IFFO2: variants seen among roughly 807,000 people sequenced by gnomAD.
The protein encoded by IFFO2 is intermediate filament family orphan 2.
A neutral mutation model predicts 53.5 loss-of-function variants in IFFO2; 19 were observed. The observed-to-expected ratio is 0.36, with a 90% CI of 0.25 to 0.52. IFFO2 has a LOEUF of 0.52. Among genes scored for constraint, IFFO2 ranks in the 20% least tolerant of loss-of-function variants. The pLI is 0.94. For missense variants in IFFO2, 570 were observed against 727.4 expected, an observed-to-expected ratio of 0.78 and a Z score of 2.49; for synonymous variants, 303 against 313.6, an observed-to-expected ratio of 0.97 and a Z score of 0.36.
At chr1:18,915,030 G>C (rs954870599) in intron 5 of IFFO2, among the ~76,000 whole-genome samples, 1 of 152,124 alleles carries the variant, frequency 6.6e-6, no homozygotes, top group South Asian at 2.1e-4. Flanking sequence ...TCCCCACCCA[G>C]TTCCAACCCT....
At chr1:18,911,550 T>TATTG (rs1325811633) in intron 6 of IFFO2, 74 bp from the exon 7 acceptor site, 1 of 707,572 alleles carries the variant, frequency 1.4e-6, no homozygotes, top group Admixed American at 4.5e-5. Context: ...TTTATTTATT[T>TATTG]ATTCTTGAGA....
chr1:18,948,436 G>A (rs1451346510), intron 1 of IFFO2, among the ~76,000 whole-genome samples: 1 of 152,216 alleles, frequency 6.6e-6, no homozygotes, highest in African/African-American at 2.4e-5. Flanking sequence ...CACATCGCAG[G>A]CAAACCCAGA....
Position 18,919,640 on chromosome 1 carries a change from G to T in IFFO2, c.822+38C>A. The T allele has an allele frequency of 7.4e-7, 1 of 1,350,676 alleles. No individual in the cohort carries two copies. The highest frequency in any genetic ancestry group is 1.0e-6 in the Non-Finnish European group (1 of 963,374). The allele number at this position is 1,350,676 out of a possible 1,614,324, so 83.7% of individuals were successfully genotyped here. A position where few individuals can be genotyped will look rare whatever the true frequency, so the allele number is the denominator to read the frequency against. ...AAGCATTTTGCATGATGGGTGTGGGGGAGGTCATGACACCCAGGGGCGGCG... is the reference window on the plus strand; with the variant it reads ...AAGCATTTTGCATGATGGGTGTGGGTGAGGTCATGACACCCAGGGGCGGCG... On this transcript the variant is annotated intron_variant, in intron 3 of 8. Transcript: ENST00000455833. This position sits in a 1 kb window ranked among gnomAD's most constrained non-coding sequence, Gnocchi z 4.9.
chr1:18,914,022 A>G (rs567921020), intron 5 of IFFO2, among the ~76,000 whole-genome samples: 125 of 152,124 alleles, frequency 8.2e-4, no homozygotes, highest in South Asian at 3.1e-3. Flanking sequence ...TAGTAGAGAC[A>G]GCGTTTCACC....
rs1227136778 is a variant in IFFO2 at position 18,905,703 on chromosome 1, G to A, written c.*2858C>T. The A allele has an allele frequency of 2.8e-5, 4 of 144,492 alleles. No individual in the cohort carries two copies. Among genetic ancestry groups the A allele is most frequent in the African/African-American group, 1.2e-4 (4 of 34,756 alleles). 9.0% of individuals were successfully genotyped at this position (144,492 alleles called of 1,614,324 possible). On this transcript the variant is annotated 3_prime_UTR_variant, in exon 9 of 9. Transcript: ENST00000455833. ...GAGGAGTGCGAGTGTGTGTGTGTGT[G>A]TGTGTGTGTGTGTGTGTATTTCACA...
chr1:18,954,718 G>C (rs918389118), intron 1 of IFFO2, among the ~76,000 whole-genome samples: 1 of 152,184 alleles, frequency 6.6e-6, no homozygotes, highest in Non-Finnish European at 1.5e-5. Flanking sequence ...CAGTATTGTC[G>C]GCCAGACTGC....
intron 1 of IFFO2, among the ~76,000 whole-genome samples, chr1:18,951,839 C>A (rs182583374): frequency 1.7e-3 from 252 of 152,264 alleles, no homozygotes; most frequent in Non-Finnish European, 2.6e-3. Context: ...GAAGGGGAAG[C>A]CCAGAACAGA....
intron 1 of IFFO2, among the ~76,000 whole-genome samples, chr1:18,930,538 A>G (rs6426803): frequency 0.84 from 128,432 of 152,220 alleles, 54,347 homozygotes; most frequent in African/African-American, 0.87. Context: ...CCCTGCTTTC[A>G]CCGTCCACAC....
intron 1 of IFFO2, among the ~76,000 whole-genome samples, chr1:18,932,410 A>T (rs1461866781): frequency 4.6e-5 from 7 of 152,164 alleles, no homozygotes; most frequent in Non-Finnish European, 2.9e-5. Context: ...TCCAGCCCCC[A>T]GGCACTGACT....
intron 1 of IFFO2, among the ~76,000 whole-genome samples, chr1:18,927,476 G>A (rs988476937): frequency 6.6e-6 from 1 of 152,222 alleles, no homozygotes; most frequent in African/African-American, 2.4e-5. Flanking sequence ...CCCTGGCCTC[G>A]GGGAGCTCAC....
At chr1:18,940,365 C>T (rs1315940383) in intron 1 of IFFO2, among the ~76,000 whole-genome samples, 1 of 152,174 alleles carries the variant, frequency 6.6e-6, no homozygotes, top group East Asian at 1.9e-4. Context: ...AAGTCACTGC[C>T]CCTCTCTGAC....
In IFFO2 at chr1:18,918,549, C is replaced by A. The variant is rs1193246831; in HGVS notation, c.823-47G>T. ...TTACATGAGCGAGGGATGGAGCAAG[C>A]CTGGGGGGCTTGGCAGAGAGGTGGG... is the stretch of plus-strand genomic sequence containing the variant. On this transcript the variant is annotated intron_variant, in intron 3 of 8. Coordinates refer to ENST00000455833, the MANE Select transcript of IFFO2 (RefSeq NM_001136265.2). This position sits in a 1 kb window ranked among gnomAD's most constrained non-coding sequence, Gnocchi z 5.2. 5 of 1,543,516 alleles carry A rather than the reference C, an allele frequency of 3.2e-6. No homozygotes were observed. The highest frequency in any genetic ancestry group is 3.5e-6 in the Non-Finnish European group (4 of 1,140,554).
Position 18,916,519 on chromosome 1 carries a change from A to C in IFFO2, c.1103+384T>G, listed in dbSNP as rs1328313437. ...AGTGGTTCACGCCTGTAATCCCAGC[A>C]CTTTGGGAGGCCAAGGCAGAAGCAT... On this transcript the variant is annotated intron_variant, in intron 5 of 8. Coordinates refer to ENST00000455833, the MANE Select transcript of IFFO2 (RefSeq NM_001136265.2). The surrounding 1 kb of genome is among the most constrained non-coding windows in gnomAD (Gnocchi z 4.3). Among the ~76,000 whole-genome samples, 1 of 152,130 alleles carries C rather than the reference A, an allele frequency of 6.6e-6. No individual in the cohort carries two copies. The highest frequency in any genetic ancestry group is 1.9e-4 in the East Asian group (1 of 5,192).
At position 18,910,389 on chromosome 1, in the gene IFFO2, G is replaced by C. The variant is rs182563370; in HGVS notation, c.1401C>G (p.Asp467Glu). Residue 467 changes from aspartate to glutamate, a missense_variant, in exon 8 of 9, where the codon GAC becomes GAG. Coordinates refer to ENST00000455833, the MANE Select transcript of IFFO2 (RefSeq NM_001136265.2). ...MEMCSMKRGL[D>E]VQMETCRRLI... ...GCCGGCGGCAGGTCTCCATCTGCACGTCCAGGCCTCGCTTCATGCTGCACA... is the reference window on the plus strand; with the variant it reads ...GCCGGCGGCAGGTCTCCATCTGCACCTCCAGGCCTCGCTTCATGCTGCACA... The C allele has an allele frequency of 1.1e-5, 17 of 1,613,836 alleles. No homozygotes were observed. The highest frequency in any genetic ancestry group is 1.4e-5 in the Non-Finnish European group (17 of 1,179,860).
rs1393247168 is a variant in IFFO2 at position 18,917,103 on chromosome 1, G to A, written c.964-61C>T. On this transcript the variant is annotated intron_variant, in intron 4 of 8. Transcript: ENST00000455833. The surrounding 1 kb of genome is among the most constrained non-coding windows in gnomAD (Gnocchi z 5.9). ...GGCTCGGCTAGGATGGAAGGTAGGG[G>A]TGAACTGGGAAGGGAGCCGGCATCT... 1 of 1,526,694 alleles carries A rather than the reference G, an allele frequency of 6.6e-7. No individual in the cohort carries two copies. Among genetic ancestry groups the A allele is most frequent in the African/African-American group, 1.4e-5 (1 of 72,694 alleles). 94.6% of individuals were successfully genotyped at this position (1,526,694 alleles called of 1,614,324 possible). A position where few individuals can be genotyped will look rare whatever the true frequency, so the allele number is the denominator to read the frequency against.
intron 1 of IFFO2, among the ~76,000 whole-genome samples, chr1:18,926,149 G>GGATGGATGGATA (rs1463689521): frequency 3.3e-5 from 5 of 149,340 alleles, no homozygotes; most frequent in African/African-American, 1.2e-4. Flanking sequence ...ATGGATGGAT[G>GGATGGATGGATA]GATCCAAAGC....
At chr1:18,929,589 C>G (rs375399171) in intron 1 of IFFO2, among the ~76,000 whole-genome samples, 1 of 152,100 alleles carries the variant, frequency 6.6e-6, no homozygotes, top group Admixed American at 6.5e-5. Context: ...ACATTCCCCC[C>G]ACTTGTTTCC....
At position 18,947,578 on chromosome 1, in the gene IFFO2, C is replaced by T. The variant is rs985248764; in HGVS notation, c.665+8090G>A. 7.9e-5 allele frequency among the ~76,000 whole-genome samples: 12 copies of T among 152,130 alleles called. No individual in the cohort carries two copies. The highest frequency in any genetic ancestry group is 1.5e-5 in the Non-Finnish European group (1 of 68,026). On this transcript the variant is annotated intron_variant, in intron 1 of 8. Transcript: ENST00000455833. This position sits in a 1 kb window ranked among gnomAD's most constrained non-coding sequence, Gnocchi z 5.0. The stretch of plus-strand genomic sequence containing the variant: ...CTCGGTTTCCATCCTGCAGTGCCAC[C>T]ACCGGGTTTAAATGAGACCGCGTGG...
At chr1:18,925,931 ATGGT>A (rs1936283402) in intron 1 of IFFO2, among the ~76,000 whole-genome samples, 4 of 62,994 alleles carry the variant, frequency 6.3e-5, no homozygotes, top group Non-Finnish European at 1.2e-4. Context: ...GGATGGATGG[ATGGT>A]TGGATGGATG....
Sources: allele counts gnomAD v4.1 joint callset (sites outside exome capture counted in the v4.1 genomes callset), GRCh38; gene constraint gnomAD v4.1.1; non-coding constraint Gnocchi (gnomAD v3.1); transcripts MANE v1.5; gene names NCBI Gene and HGNC (gene_info 2026-07-23, HGNC 2026-07-21).